Variants in IKBKE observed in about 807,000 individuals in gnomAD.
IKBKE encodes the protein inhibitor of nuclear factor kappa-B kinase subunit epsilon.
In IKBKE, 45 loss-of-function variants were observed where a neutral mutation model predicts 92.1. That is an observed-to-expected ratio of 0.49 (90% CI 0.38 to 0.63). IKBKE has a LOEUF of 0.63. IKBKE is among the 20% of genes least tolerant of loss of function. The probability of loss-of-function intolerance (pLI) is 0.00; values close to 1 mark genes in which losing one functional copy is unlikely to be tolerated. For synonymous variants in IKBKE, 374 were observed against 380.3 expected, an observed-to-expected ratio of 0.98 and a Z score of 0.19; for missense variants, 700 against 932.8, an observed-to-expected ratio of 0.75 and a Z score of 3.25.
chr1:206,482,926 C>T (rs529364999), intron 13 of IKBKE, among the ~76,000 whole-genome samples: 13 of 152,364 alleles, frequency 8.5e-5, no homozygotes, highest in Non-Finnish European at 7.4e-5. Context: ...TGCCAAGTGG[C>T]CCACCTTTGC....
At chr1:206,493,643 G>A (rs1666072108) in intron 20 of IKBKE, among the ~76,000 whole-genome samples, 1 of 152,208 alleles carries the variant, frequency 6.6e-6, no homozygotes, top group African/African-American at 2.4e-5. Context: ...ACAAAATTTA[G>A]CCGGGTGTGG....
chr1:206,491,946 A>T (rs2103483498), intron 18 of IKBKE, 197 bp downstream of exon 18: 1 of 503,772 alleles, frequency 2.0e-6, no homozygotes, highest in South Asian at 2.0e-5. Flanking sequence ...ATTTACTCCT[A>T]CAACACCTGC....
chr1:206,486,751 C>T (rs1010898801), intron 15 of IKBKE, among the ~76,000 whole-genome samples: 1 of 151,168 alleles, frequency 6.6e-6, no homozygotes, highest in African/African-American at 2.4e-5. Context: ...TGGATGAAGG[C>T]TGCGGATCCC....
intron 16 of IKBKE, among the ~76,000 whole-genome samples, chr1:206,488,660 A>AG (rs1665786700): frequency 6.6e-6 from 1 of 152,160 alleles, no homozygotes; most frequent in South Asian, 2.1e-4. Flanking sequence ...CTAACACACC[A>AG]GGAACCAAAC....
Position 206,481,766 on chromosome 1 carries a change from C to CTTTT in IKBKE, c.1427+1261_1427+1264dup, listed in dbSNP as rs71152472. Among the ~76,000 whole-genome samples, 147 of 46,566 alleles carry CTTTT rather than the reference C, an allele frequency of 3.2e-3. 19 individuals are homozygous for CTTTT. The highest frequency in any genetic ancestry group is 5.4e-3 in the East Asian group (7 of 1,308). 30.5% of individuals were successfully genotyped at this position (46,566 alleles called of 152,430 possible). On this transcript the variant is annotated intron_variant, in intron 13 of 21. Transcript: ENST00000581977. ...ACGGAGGCCTTCCTGAAGGATGAGG[C>CTTTT]TTTTTTTTTTTTTTTTTTTTTTTTT...
At chr1:206,483,226 G>A (rs558511599) in intron 13 of IKBKE, among the ~76,000 whole-genome samples, 6 of 152,332 alleles carry the variant, frequency 3.9e-5, no homozygotes, top group Admixed American at 1.3e-4. Context: ...TTGTCTCCTC[G>A]TTTTATAGGT....
At chr1:206,472,701 G>A (rs1664846466) in intron 2 of IKBKE, among the ~76,000 whole-genome samples, 1 of 152,194 alleles carries the variant, frequency 6.6e-6, no homozygotes, top group Non-Finnish European at 1.5e-5. Context: ...AGGCAGGCCA[G>A]CGGGGGCTGG....
chr1:206,476,843 G>T lies in IKBKE; in HGVS notation c.701+5G>T, dbSNP rs189899329. The T allele has an allele frequency of 6.2e-7, 1 of 1,614,056 alleles. No individual in the cohort carries two copies. Among genetic ancestry groups the T allele is most frequent in the South Asian group, 1.1e-5 (1 of 91,080 alleles). On this transcript the variant is annotated splice_donor_5th_base_variant and intron_variant, in intron 7 of 21. Coordinates refer to ENST00000581977, the MANE Select transcript of IKBKE (RefSeq NM_014002.4). The surrounding 1 kb of genome is among the most constrained non-coding windows in gnomAD (Gnocchi z 5.1). ...ACGGCGGAACAAGGAGATCATGTAC[G>T]GTGGGCCACAGGGCAGGGAATGGGG...
chr1:206,477,921 T>A (rs1183402747), intron 8 of IKBKE, 62 bp downstream of exon 8: 4 of 1,196,844 alleles, frequency 3.3e-6, no homozygotes, highest in Non-Finnish European at 4.8e-6. Flanking sequence ...TTCTCTCTGC[T>A]AAGTCAAGAC....
Position 206,476,241 on chromosome 1 carries a change from A to G in IKBKE, c.419A>G (p.Asn140Ser). The G allele has an allele frequency of 6.2e-7, 1 of 1,614,120 alleles. No homozygotes were observed. The highest frequency in any genetic ancestry group is 8.5e-7 in the Non-Finnish European group (1 of 1,180,006). The change falls in exon 6 of 22, where the codon AAC becomes AGC. Residue 140 changes from asparagine to serine, a missense_variant. Transcript: ENST00000581977. The surrounding 1 kb of genome is among the most constrained non-coding windows in gnomAD (Gnocchi z 5.1). ...GTGCATCGCGACATCAAGCCGGGGA[A>G]CATCATGCGCCTCGTAGGGGAGGAG... ...GIVHRDIKPG[N>S]IMRLVGEEGQ...
chr1:206,474,885 A>G lies in IKBKE; in HGVS notation c.249A>G (p.Val83=). 1 of 1,614,010 alleles carries G rather than the reference A, an allele frequency of 6.2e-7. No individual in the cohort carries two copies. Among genetic ancestry groups the G allele is most frequent in the Non-Finnish European group, 8.5e-7 (1 of 1,179,974 alleles). The change falls in exon 5 of 22, where the codon GTA becomes GTG. Residue 83 remains valine, a synonymous_variant. Transcript: ENST00000581977. The part of the protein sequence containing the change: ...VEETGGSRQK[V]LVMEYCSSGS... Reference sequence around the variant, plus strand: ...CATAGGGCGGAAGCCGGCAGAAGGTACTGGTGATGGAGTACTGCTCCAGTG... The same window carrying G: ...CATAGGGCGGAAGCCGGCAGAAGGTGCTGGTGATGGAGTACTGCTCCAGTG...
rs1553390150 is a variant in IKBKE at position 206,490,846 on chromosome 1, A to G, written c.1721A>G (p.His574Arg). 3 of 1,614,010 alleles carry G rather than the reference A, an allele frequency of 1.9e-6. No homozygotes were observed. The highest frequency in any genetic ancestry group is 1.1e-5 in the South Asian group (1 of 91,086). Reference sequence around the variant, plus strand: ...CTTGGCTACAACGAGGAGCAGATTCACAAGCTGGATAAGTGAGTGGCCTGT... The same window carrying G: ...CTTGGCTACAACGAGGAGCAGATTCGCAAGCTGGATAAGTGAGTGGCCTGT... The part of the protein sequence containing the change: ...PGLGYNEEQI[H>R]KLDKVNFSHL... Residue 574 changes from histidine to arginine, a missense_variant, in exon 17 of 22, where the codon CAC (histidine) becomes CGC (arginine). By Grantham distance (29) the His-to-Arg change is conservative. Coordinates refer to ENST00000581977, the MANE Select transcript of IKBKE (RefSeq NM_014002.4). This position sits in a 1 kb window ranked among gnomAD's most constrained non-coding sequence, Gnocchi z 5.2.
Position 206,474,859 on chromosome 1 carries a change from C to A in IKBKE, c.229-6C>A. On this transcript the variant is annotated splice_polypyrimidine_tract_variant and splice_region_variant and intron_variant, in intron 4 of 21. Transcript: ENST00000581977. Reference sequence around the variant, plus strand: ...CCTCATGAGCCCCTCTCTGTCCCACCCATAGGGCGGAAGCCGGCAGAAGGT... The same window carrying A: ...CCTCATGAGCCCCTCTCTGTCCCACACATAGGGCGGAAGCCGGCAGAAGGT... 1 of 1,613,690 alleles carries A rather than the reference C, an allele frequency of 6.2e-7. No individual in the cohort carries two copies. Among genetic ancestry groups the A allele is most frequent in the Non-Finnish European group, 8.5e-7 (1 of 1,179,828 alleles).
intron 17 of IKBKE, chr1:206,491,379 T>C (rs1357752780): frequency 9.6e-6 from 4 of 418,612 alleles, no homozygotes; most frequent in South Asian, 4.4e-5. Flanking sequence ...TCCTGAGGAC[T>C]AAGCTTGAGC....
chr1:206,472,550 TC>T (rs1553384058), intron 2 of IKBKE, among the ~76,000 whole-genome samples: 1 of 150,630 alleles, frequency 6.6e-6, no homozygotes, highest in Non-Finnish European at 1.5e-5. Context: ...CACACCCTTC[TC>T]CCCAACGCCC....
rs1558477209 is a variant in IKBKE, at chr1:206,479,945, A to G, written c.1248+11A>G. The G allele has an allele frequency of 6.2e-7, 1 of 1,613,326 alleles. No homozygotes were observed. The highest frequency in any genetic ancestry group is 8.5e-7 in the Non-Finnish European group (1 of 1,179,808). ...TACAACACTGCCAAGGTGAGGGGCA[A>G]CCCCCAGGTGGCAGGGAGGGGCATG... On this transcript the variant is annotated intron_variant, in intron 11 of 21. Coordinates refer to ENST00000581977, the MANE Select transcript of IKBKE (RefSeq NM_014002.4).
intron 13 of IKBKE, among the ~76,000 whole-genome samples, chr1:206,481,814 C>T (rs1231127949): frequency 4.1e-5 from 5 of 120,826 alleles, no homozygotes; most frequent in African/African-American, 1.6e-4. Flanking sequence ...GAGCCTCGCT[C>T]TGTCGCCCAG....
intron 10 of IKBKE, 79 bp downstream of exon 10, chr1:206,479,212 G>T: frequency 1.6e-6 from 2 of 1,229,506 alleles, no homozygotes; most frequent in South Asian, 1.5e-5. Flanking sequence ...CCAGGCCATT[G>T]GTTACTTTTC....
At position 206,474,879 on chromosome 1, in the gene IKBKE, G is replaced by C. The variant is rs1553384816; in HGVS notation, c.243G>C (p.Gln81His). The change falls in exon 5 of 22, where the codon CAG becomes CAC. Residue 81 changes from glutamine to histidine, a missense_variant. Gln to His is a conservative substitution (Grantham distance 24). Coordinates refer to ENST00000581977, the MANE Select transcript of IKBKE (RefSeq NM_014002.4). The stretch of plus-strand genomic sequence containing the variant: ...CCCACCCATAGGGCGGAAGCCGGCA[G>C]AAGGTACTGGTGATGGAGTACTGCT... ...FAVEETGGSR[Q>H]KVLVMEYCSS... 1 of 1,614,090 alleles carries C rather than the reference G, an allele frequency of 6.2e-7. No individual in the cohort carries two copies. The highest frequency in any genetic ancestry group is 2.2e-5 in the East Asian group (1 of 44,872).
Sources: gnomAD v4.1 joint callset for allele counts (sites outside exome capture counted in the v4.1 genomes callset) on GRCh38, gnomAD v4.1.1 for gene constraint, Gnocchi (gnomAD v3.1) non-coding constraint, MANE v1.5 for transcripts, NCBI Gene and HGNC (gene_info 2026-07-23, HGNC 2026-07-21) for gene names.